The following DPP6 variants were observed in gnomAD, a reference collection of about 807,000 sequenced individuals.
DPP6 encodes dipeptidyl peptidase like 6.
In DPP6, 69 loss-of-function variants were observed where a neutral mutation model predicts 122.6. That is an observed-to-expected ratio of 0.56 (90% confidence interval 0.46 to 0.69). The LOEUF is 0.69. Ranked by LOEUF, DPP6 falls within the 30% of genes least tolerant of loss-of-function variation. The pLI is 0.00. For synonymous variants in DPP6, 418 were observed against 433.1 expected, an observed-to-expected ratio of 0.97 and a Z score of 0.43; for missense variants, 928 against 1,116.9, an observed-to-expected ratio of 0.83 and a Z score of 2.41.
chr7:154,365,830 C>T (rs975255996), intron 1 of DPP6, among the ~76,000 whole-genome samples: 3 of 152,026 alleles, frequency 2.0e-5, no homozygotes, highest in East Asian at 1.9e-4. Context: ...TGGTGGCGGA[C>T]GCCTGTAGTC....
chr7:154,364,131 T>C (rs778533607), intron 1 of DPP6, among the ~76,000 whole-genome samples: 4 of 152,156 alleles, frequency 2.6e-5, no homozygotes, highest in Non-Finnish European at 5.9e-5. Context: ...AATCAGCCTA[T>C]ATAAACACAA....
At chr7:154,881,989 G>T (rs879641611) in intron 21 of DPP6, among the ~76,000 whole-genome samples, 3 of 152,190 alleles carry the variant, frequency 2.0e-5, no homozygotes, top group Admixed American at 6.5e-5. Context: ...CCTCATGGAA[G>T]TGACTTCCCA....
rs563578918 is a variant in DPP6, at chr7:154,241,569, C to CA, written c.243+188514dup. On this transcript the variant is annotated intron_variant, in intron 1 of 25. Coordinates refer to ENST00000377770, the MANE Select transcript of DPP6 (RefSeq NM_130797.4). This position sits in a 1 kb window ranked among gnomAD's most constrained non-coding sequence, Gnocchi z 9.0. ...AGTGAGACCCTGTCTCAAAACAAAACAAAAAAAAGATCCAATTCCATCCCC... is the reference window on the plus strand; with the variant it reads ...AGTGAGACCCTGTCTCAAAACAAAACAAAAAAAAAGATCCAATTCCATCCCC... 4.2e-4 allele frequency among the ~76,000 whole-genome samples: 63 copies of CA among 151,656 alleles called. No homozygotes were observed. Among genetic ancestry groups the CA allele is most frequent in the Middle Eastern group, 6.8e-3 (2 of 292 alleles).
intron 2 of DPP6, among the ~76,000 whole-genome samples, chr7:154,463,948 T>C (rs577167069): frequency 1.2e-4 from 18 of 152,218 alleles, no homozygotes; most frequent in Admixed American, 6.5e-5. Flanking sequence ...AAGCACTCCC[T>C]TGGCCACCCC....
rs3052965 is a variant in DPP6 at position 154,078,351 on chromosome 7, TACACACACACAC to T, written c.243+25315_243+25326del. Among the ~76,000 whole-genome samples, 713 of 149,520 alleles carry T rather than the reference TACACACACACAC, an allele frequency of 4.8e-3. 4 individuals are homozygous for T. The highest frequency in any genetic ancestry group is 5.0e-3 in the Non-Finnish European group (338 of 67,352). ...CGACTTTCAAACTTCAGTGCATATG[TACACACACACAC>T]ACACACACACACACACACACACACA... On this transcript the variant is annotated intron_variant, in intron 1 of 25. Coordinates refer to ENST00000377770, the MANE Select transcript of DPP6 (RefSeq NM_130797.4).
chr7:154,654,437 G>A (rs963341591), intron 6 of DPP6, among the ~76,000 whole-genome samples: 1 of 12,742 alleles, frequency 7.8e-5, no homozygotes, highest in African/African-American at 1.1e-4. Context: ...TTCTTTTTTT[G>A]ATACAGCGTC....
At chr7:154,748,564 C>T (rs1037475991) in intron 8 of DPP6, among the ~76,000 whole-genome samples, 2 of 152,236 alleles carry the variant, frequency 1.3e-5, no homozygotes, top group Non-Finnish European at 2.9e-5. Context: ...TAATGAAAAA[C>T]CCCTGCGAGC....
chr7:153,989,809 G>T (rs1308158968), intron 1 of DPP6, among the ~76,000 whole-genome samples: 1 of 151,944 alleles, frequency 6.6e-6, no homozygotes, highest in African/African-American at 2.4e-5. Context: ...CACTGTTTTA[G>T]GCCAGGATAG....
At chr7:154,843,616 T>A (rs1199227197) in intron 16 of DPP6, among the ~76,000 whole-genome samples, 1 of 152,194 alleles carries the variant, frequency 6.6e-6, no homozygotes, top group African/African-American at 2.4e-5. Flanking sequence ...TGAGAGAATG[T>A]CTCTAAGAGC....
At chr7:154,767,145 T>C (rs1173829967) in intron 8 of DPP6, among the ~76,000 whole-genome samples, 1 of 152,096 alleles carries the variant, frequency 6.6e-6, no homozygotes, top group Non-Finnish European at 1.5e-5. Context: ...CGTTTTTCTG[T>C]TTTGGATTTT....
At chr7:153,927,487 G>T (rs550041081) in intron 1 of DPP6, among the ~76,000 whole-genome samples, 4 of 152,176 alleles carry the variant, frequency 2.6e-5, no homozygotes, top group African/African-American at 7.2e-5. Context: ...GTATGGAATT[G>T]TGTGTGTCAT....
intron 8 of DPP6, among the ~76,000 whole-genome samples, chr7:154,732,889 G>A (rs1158979489): frequency 6.6e-6 from 1 of 152,162 alleles, no homozygotes; most frequent in Admixed American, 6.5e-5. Context: ...TAGGACCCAT[G>A]CAGTCAGGCA....
chr7:154,595,773 T>G (rs1271307195), intron 5 of DPP6, among the ~76,000 whole-genome samples: 2 of 152,186 alleles, frequency 1.3e-5, no homozygotes, highest in African/African-American at 2.4e-5. Flanking sequence ...AGAATTTGAG[T>G]AGCATGGCTG....
the DPP6 span, among the ~76,000 whole-genome samples, chr7:153,766,088 C>T: frequency 6.6e-5 from 10 of 152,214 alleles, no homozygotes; most frequent in Non-Finnish European, 1.3e-4. Context: ...ATGTAATGTA[C>T]TAAATAATAC....
At chr7:154,210,049 A>T (rs1799658453) in intron 1 of DPP6, among the ~76,000 whole-genome samples, 2 of 151,970 alleles carry the variant, frequency 1.3e-5, no homozygotes, top group Admixed American at 6.6e-5. Flanking sequence ...GGTTGGGAAA[A>T]CCTCATTACT....
At chr7:154,060,374 G>C (rs1222752497) in intron 1 of DPP6, among the ~76,000 whole-genome samples, 7 of 30,154 alleles carry the variant, frequency 2.3e-4, no homozygotes, top group East Asian at 9.5e-4. Context: ...GCCAGCCCCT[G>C]GTTCCCCCAC....
chr7:154,875,858 G>A lies in DPP6; in HGVS notation c.1884-48G>A, dbSNP rs772941907. 2.6e-6 allele frequency: 4 copies of A among 1,567,510 alleles called. No homozygotes were observed. The highest frequency in any genetic ancestry group is 2.4e-5 in the East Asian group (1 of 42,366). On this transcript the variant is annotated intron_variant, in intron 19 of 25. Transcript: ENST00000377770. The surrounding 1 kb of genome is among the most constrained non-coding windows in gnomAD (Gnocchi z 4.5). ...TGACGTGGCAGCTGCTAGACCAGCC[G>A]CCACCCACCACGCAGCAGGCCTGCT...
At position 154,554,124 on chromosome 7, in the gene DPP6, A is replaced by T. The variant is rs150974889; in HGVS notation, c.553-12718A>T. Among the ~76,000 whole-genome samples, 669 of 152,258 alleles carry T rather than the reference A, an allele frequency of 4.4e-3. 2 individuals carry two copies. The highest frequency in any genetic ancestry group is 0.015 in the African/African-American group (615 of 41,538). On this transcript the variant is annotated intron_variant, in intron 4 of 25. Coordinates refer to ENST00000377770, the MANE Select transcript of DPP6 (RefSeq NM_130797.4). Reference sequence around the variant, plus strand: ...ACCCGAGTCTGTCTGATTCAAAATTAAATTATTCTTAGGTGAATTCAGGGC... The same window carrying T: ...ACCCGAGTCTGTCTGATTCAAAATTTAATTATTCTTAGGTGAATTCAGGGC...
chr7:154,165,341 A>G (rs1275646119), intron 1 of DPP6, among the ~76,000 whole-genome samples: 2 of 141,992 alleles, frequency 1.4e-5, no homozygotes, highest in African/African-American at 6.0e-5. Context: ...TGAACTCATC[A>G]TTTTTTATGA....
Sources: gnomAD v4.1 joint callset for allele counts (sites outside exome capture counted in the v4.1 genomes callset) on GRCh38, gnomAD v4.1.1 for gene constraint, Gnocchi (gnomAD v3.1) non-coding constraint, MANE v1.5 for transcripts, NCBI Gene and HGNC (gene_info 2026-07-23, HGNC 2026-07-21) for gene names.